The following ADAM18 variants were observed in gnomAD, a reference collection of about 807,000 sequenced individuals.
ADAM18 encodes the protein ADAM metallopeptidase domain 18.
In ADAM18, 117 loss-of-function variants were observed where a neutral mutation model predicts 94.4. The observed-to-expected ratio is 1.24, with a 90% CI of 1.07 to 1.45. The LOEUF is 1.45. Ranked by LOEUF, ADAM18 falls within the 40% of genes most tolerant of loss-of-function variation. The pLI is 0.00. For missense variants in ADAM18, 936 were observed against 880.0 expected, an observed-to-expected ratio of 1.06 and a Z score of -0.81; for synonymous variants, 327 against 291.6, an observed-to-expected ratio of 1.12 and a Z score of -1.24.
chr8:39,634,404 G>A (rs1820020483), intron 7 of ADAM18, among the ~76,000 whole-genome samples: 1 of 152,244 alleles, frequency 6.6e-6, no homozygotes, highest in East Asian at 1.9e-4. Flanking sequence ...CACCAGGAAG[G>A]AACACCTGGG....
chr8:39,641,547 G>A (rs1329503067), intron 10 of ADAM18, among the ~76,000 whole-genome samples: 1 of 151,896 alleles, frequency 6.6e-6, no homozygotes, highest in East Asian at 1.9e-4. Flanking sequence ...AGGTGTCCAT[G>A]TGTTCTAGGC....
At chr8:39,623,250 A>G (rs1170292102) in intron 6 of ADAM18, among the ~76,000 whole-genome samples, 1 of 152,132 alleles carries the variant, frequency 6.6e-6, no homozygotes, top group East Asian at 1.9e-4. Flanking sequence ...TCACTGATTG[A>G]TGTTCACTTA....
intron 6 of ADAM18, among the ~76,000 whole-genome samples, chr8:39,627,556 T>G (rs1819807329): frequency 2.0e-5 from 3 of 152,156 alleles, no homozygotes; most frequent in Admixed American, 2.0e-4. Context: ...TAGTTTCTAT[T>G]TGTCTGGAAT....
At chr8:39,717,905 T>TGG (rs757832014) in intron 18 of ADAM18, among the ~76,000 whole-genome samples, 2 of 151,494 alleles carry the variant, frequency 1.3e-5, no homozygotes, top group East Asian at 3.9e-4. Context: ...CCTTATAACT[T>TGG]GTTTAAAAAA....
intron 18 of ADAM18, among the ~76,000 whole-genome samples, chr8:39,710,123 C>T (rs1249497821): frequency 1.3e-5 from 2 of 151,964 alleles, no homozygotes; most frequent in African/African-American, 4.8e-5. Context: ...GATAAAAACA[C>T]TGGAGATAAC....
chr8:39,653,705 T>C (rs1057282665), intron 12 of ADAM18, among the ~76,000 whole-genome samples: 2 of 152,234 alleles, frequency 1.3e-5, no homozygotes, highest in African/African-American at 2.4e-5. Flanking sequence ...AGTTTTTATG[T>C]GTTTTTAATT....
chr8:39,622,370 T>G lies in ADAM18; in HGVS notation c.523-7004T>G, dbSNP rs6995032. On this transcript the variant is annotated intron_variant, in intron 6 of 19. Transcript: ENST00000265707. ...AGATTCCATTGAAAATGTTCACAAT[T>G]TTAAATGTGTTAACCATAAAATGCA... 8.2e-3 allele frequency among the ~76,000 whole-genome samples: 1,241 copies of G among 150,922 alleles called. 22 individuals carry two copies. Among genetic ancestry groups the G allele is most frequent in the African/African-American group, 0.028 (1,174 of 41,338 alleles).
intron 6 of ADAM18, chr8:39,611,082 T>G: frequency 1.0e-6 from 1 of 1,004,690 alleles, no homozygotes. Context: ...CACAGCCATT[T>G]GCATGTTGCC....
intron 2 of ADAM18, among the ~76,000 whole-genome samples, chr8:39,594,134 T>C (rs1818664631): frequency 6.6e-6 from 1 of 152,180 alleles, no homozygotes; most frequent in Admixed American, 6.5e-5. Flanking sequence ...TATATACTTG[T>C]AGAGCTCTTT....
intron 6 of ADAM18, among the ~76,000 whole-genome samples, chr8:39,613,183 C>T (rs1349466531): frequency 1.3e-5 from 2 of 152,206 alleles, no homozygotes; most frequent in African/African-American, 2.4e-5. Context: ...GGAGTGCAGA[C>T]CCTGCTGCCA....
chr8:39,620,536 G>C (rs1171899378), intron 6 of ADAM18, among the ~76,000 whole-genome samples: 3 of 146,324 alleles, frequency 2.1e-5, no homozygotes, highest in African/African-American at 5.0e-5. Flanking sequence ...CATACAAGTA[G>C]CCAACTGTTA....
chr8:39,585,679 C>A (rs1818375612), intron 2 of ADAM18, among the ~76,000 whole-genome samples: 1 of 151,996 alleles, frequency 6.6e-6, no homozygotes, highest in Non-Finnish European at 1.5e-5. Flanking sequence ...TTTTTATTGT[C>A]CAGTAAATGA....
chr8:39,587,546 G>A (rs1818440444), intron 2 of ADAM18, among the ~76,000 whole-genome samples: 1 of 152,202 alleles, frequency 6.6e-6, no homozygotes, highest in South Asian at 2.1e-4. Flanking sequence ...CTGGGCTCAA[G>A]CAATTCTTGT....
At chr8:39,660,967 G>C (rs1820817748) in intron 12 of ADAM18, among the ~76,000 whole-genome samples, 1 of 151,992 alleles carries the variant, frequency 6.6e-6, no homozygotes, top group African/African-American at 2.4e-5. Flanking sequence ...ATGTTCCATA[G>C]GTGATAATGT....
intron 17 of ADAM18, among the ~76,000 whole-genome samples, chr8:39,706,024 T>C (rs1163594660): frequency 2.0e-5 from 3 of 152,134 alleles, no homozygotes; most frequent in Non-Finnish European, 4.4e-5. Context: ...CAGTTGGAAA[T>C]GGGACTTAAA....
intron 6 of ADAM18, among the ~76,000 whole-genome samples, chr8:39,625,579 T>A (rs544477891): frequency 6.6e-6 from 1 of 152,188 alleles, no homozygotes; most frequent in Non-Finnish European, 1.5e-5. Flanking sequence ...CTATGTTGAA[T>A]AGAAGTAGTG....
At chr8:39,644,972 C>T (rs1465011888) in intron 10 of ADAM18, among the ~76,000 whole-genome samples, 2 of 152,078 alleles carry the variant, frequency 1.3e-5, no homozygotes, top group Non-Finnish European at 2.9e-5. Context: ...CACTGTATTC[C>T]TACCATCTAT....
intron 6 of ADAM18, among the ~76,000 whole-genome samples, chr8:39,625,645 C>G (rs951158921): frequency 6.6e-6 from 1 of 151,454 alleles, no homozygotes; most frequent in Admixed American, 6.6e-5. Context: ...AGCTTTTTAC[C>G]CATTCAGTAT....
intron 6 of ADAM18, among the ~76,000 whole-genome samples, chr8:39,617,701 C>A (rs1478261529): frequency 6.6e-6 from 1 of 152,120 alleles, no homozygotes; most frequent in East Asian, 1.9e-4. Context: ...TATGAATGGA[C>A]TTGGAGGCCA....
Sources: allele counts gnomAD v4.1 joint callset (sites outside exome capture counted in the v4.1 genomes callset), GRCh38; gene constraint gnomAD v4.1.1; transcripts MANE v1.5; gene names NCBI Gene and HGNC (gene_info 2026-07-23, HGNC 2026-07-21).